CPQ: variants seen among roughly 807,000 people sequenced by gnomAD.
The protein encoded by CPQ is carboxypeptidase Q, also known as Ser-Met dipeptidase.
Under a neutral mutation model 45.7 loss-of-function variants are expected in CPQ, and 37 were observed. The observed-to-expected ratio is 0.81, with a 90% confidence interval of 0.62 to 1.07. The LOEUF (loss-of-function observed/expected upper bound fraction) is 1.07, where lower values mean the gene tolerates loss of function less well. CPQ is among the 50% of genes least tolerant of loss of function. The probability of loss-of-function intolerance (pLI) is 0.00; values close to 1 mark genes in which losing one functional copy is unlikely to be tolerated. For synonymous variants in CPQ, 186 were observed against 205.8 expected, an observed-to-expected ratio of 0.90 and a Z score of 0.82; for missense variants, 537 against 572.9, an observed-to-expected ratio of 0.94 and a Z score of 0.64.
intron 7 of CPQ, among the ~76,000 whole-genome samples, chr8:97,118,848 T>C (rs957761396): frequency 6.6e-6 from 1 of 152,228 alleles, no homozygotes; most frequent in African/African-American, 2.4e-5. Flanking sequence ...CATGTACATA[T>C]ATAGCATTAT....
chr8:96,794,334 C>T (rs2130817223), intron 2 of CPQ, among the ~76,000 whole-genome samples: 1 of 152,306 alleles, frequency 6.6e-6, no homozygotes, highest in Non-Finnish European at 1.5e-5. Context: ...GAGGCTTGTG[C>T]CCTCTGAAGC....
chr8:96,779,082 G>T (rs544219198), intron 1 of CPQ, among the ~76,000 whole-genome samples: 2 of 146,024 alleles, frequency 1.4e-5, no homozygotes, highest in Admixed American at 1.4e-4. Context: ...AAAAAAAAAG[G>T]CATGTTATTT....
chr8:96,677,953 A>G (rs890262969), intron 1 of CPQ, among the ~76,000 whole-genome samples: 17 of 151,734 alleles, frequency 1.1e-4, no homozygotes, highest in Non-Finnish European at 4.4e-5. Context: ...ATGTTTTTGT[A>G]TGCTTTGTTG....
intron 1 of CPQ, among the ~76,000 whole-genome samples, chr8:96,694,946 G>A (rs1487283946): frequency 6.6e-6 from 1 of 152,112 alleles, no homozygotes; most frequent in African/African-American, 2.4e-5. Flanking sequence ...CTACTTTACA[G>A]TGCATATGGA....
intron 7 of CPQ, among the ~76,000 whole-genome samples, chr8:97,089,795 C>G (rs776511169): frequency 1.3e-5 from 2 of 152,070 alleles, no homozygotes; most frequent in African/African-American, 2.4e-5. Flanking sequence ...AACACTTACC[C>G]CTGGACCAGT....
chr8:96,800,022 C>T (rs924751092), intron 2 of CPQ, among the ~76,000 whole-genome samples: 6 of 152,138 alleles, frequency 3.9e-5, no homozygotes, highest in African/African-American at 1.2e-4. Context: ...AATTTGATTG[C>T]GTCAGAACTT....
At chr8:96,880,528 T>C (rs1188197596) in intron 4 of CPQ, among the ~76,000 whole-genome samples, 1 of 4,360 alleles carries the variant, frequency 2.3e-4, no homozygotes. Context: ...CATATATATA[T>C]ATATATATAT....
intron 5 of CPQ, among the ~76,000 whole-genome samples, chr8:96,990,955 A>G (rs1404090038): frequency 6.6e-6 from 1 of 152,134 alleles, no homozygotes; most frequent in African/African-American, 2.4e-5. Flanking sequence ...TCCTGAAACA[A>G]CAGCCAAGAA....
chr8:96,756,236 T>C (rs999034988), intron 1 of CPQ, among the ~76,000 whole-genome samples: 1 of 152,126 alleles, frequency 6.6e-6, no homozygotes, highest in African/African-American at 2.4e-5. Flanking sequence ...TAAAAATACT[T>C]AAGCTTCAAC....
chr8:97,072,930 C>T (rs530981752), intron 7 of CPQ, among the ~76,000 whole-genome samples: 3 of 152,208 alleles, frequency 2.0e-5, no homozygotes, highest in South Asian at 2.1e-4. Flanking sequence ...ACAAAATGTC[C>T]ATGACTCAAA....
chr8:96,907,131 C>G (rs573379807), intron 4 of CPQ, among the ~76,000 whole-genome samples: 1 of 152,256 alleles, frequency 6.6e-6, no homozygotes, highest in African/African-American at 2.4e-5. Context: ...GCTGCTGTAA[C>G]AGAGAACCAA....
intron 5 of CPQ, among the ~76,000 whole-genome samples, chr8:97,009,124 C>T (rs1586492096): frequency 6.6e-6 from 1 of 152,218 alleles, no homozygotes; most frequent in East Asian, 1.9e-4. Flanking sequence ...CAGAATCCAG[C>T]CAGACACTCT....
intron 4 of CPQ, among the ~76,000 whole-genome samples, chr8:96,956,133 A>G (rs1166358423): frequency 3.3e-5 from 5 of 152,356 alleles, no homozygotes; most frequent in East Asian, 1.9e-4. Flanking sequence ...TATCTGACAA[A>G]GGGCTAATAT....
chr8:96,745,667 A>G (rs567415846), intron 1 of CPQ, among the ~76,000 whole-genome samples: 1 of 152,372 alleles, frequency 6.6e-6, no homozygotes, highest in East Asian at 1.9e-4. Context: ...ATTGGGAATC[A>G]TACTCAATTT....
intron 4 of CPQ, among the ~76,000 whole-genome samples, chr8:96,952,228 A>G (rs1004304241): frequency 6.6e-6 from 1 of 152,168 alleles, no homozygotes; most frequent in Non-Finnish European, 1.5e-5. Context: ...TGAAGCATAC[A>G]GAGGGATATG....
chr8:96,927,320 C>A (rs1441048970), intron 4 of CPQ, among the ~76,000 whole-genome samples: 1 of 152,122 alleles, frequency 6.6e-6, no homozygotes, highest in African/African-American at 2.4e-5. Context: ...GGCTGGTGTT[C>A]CCCATCGTGC....
chr8:97,045,736 T>G (rs1205366134), intron 6 of CPQ, among the ~76,000 whole-genome samples: 1 of 152,210 alleles, frequency 6.6e-6, no homozygotes, highest in African/African-American at 2.4e-5. Context: ...CTTCTGGAAG[T>G]TCATCTTCTA....
At chr8:96,858,040 T>TA (rs1188796254) in intron 3 of CPQ, among the ~76,000 whole-genome samples, 1 of 152,172 alleles carries the variant, frequency 6.6e-6, no homozygotes, top group Non-Finnish European at 1.5e-5. Context: ...GTATGGCCAC[T>TA]CTCCTAAGAG....
At chr8:96,656,589 G>A (rs1815640496) in intron 1 of CPQ, among the ~76,000 whole-genome samples, 1 of 152,146 alleles carries the variant, frequency 6.6e-6, no homozygotes, top group Non-Finnish European at 1.5e-5. Context: ...TCTGGATTGA[G>A]TCACTCTTTG....
Sources: gnomAD v4.1 joint callset for allele counts (sites outside exome capture counted in the v4.1 genomes callset) on GRCh38, gnomAD v4.1.1 for gene constraint, MANE v1.5 for transcripts, NCBI Gene and HGNC (gene_info 2026-07-23, HGNC 2026-07-21) for gene names.